Variants in BRD4 observed in about 807,000 individuals in gnomAD.
The protein encoded by BRD4 is bromodomain-containing protein 4.
BRD4 carries 16 observed loss-of-function variants against 142.1 expected under a neutral mutation model. The ratio of observed to expected loss-of-function variants is 0.11; its 90% CI spans 0.08 to 0.17. The LOEUF is 0.17. Among genes scored for constraint, BRD4 ranks in the 10% least tolerant of loss-of-function variants. The pLI, the probability that BRD4 is intolerant of heterozygous loss-of-function variation, is 1.00. For synonymous variants in BRD4, 833 were observed against 707.5 expected, an observed-to-expected ratio of 1.18 and a Z score of -2.82; for missense variants, 1,424 against 1,810.9, an observed-to-expected ratio of 0.79 and a Z score of 3.88.
rs781044333 is a variant in BRD4, at chr19:15,244,563, G to A, written c.2249C>T (p.Pro750Leu). The change falls in exon 13 of 20, where the codon CCG becomes CTG. Residue 750 changes from proline (P) to leucine (L), a missense_variant. Transcript: ENST00000679869. Reference sequence around the variant, plus strand: ...GGGCGGCTGCTGGGGCACAGGAGCCGGGGCCTGCTGCATCTGCTGATGGTG... The same window carrying A: ...GGGCGGCTGCTGGGGCACAGGAGCCAGGGCCTGCTGCATCTGCTGATGGTG... Reference protein sequence around the residue: ...HHHHQQMQQAPAPVPQQPPPP... With the variant: ...HHHHQQMQQALAPVPQQPPPP... The A allele has an allele frequency of 2.9e-5, 46 of 1,604,448 alleles. No homozygotes were observed. The highest frequency in any genetic ancestry group is 5.5e-5 in the South Asian group (5 of 91,018).
chr19:15,272,198 G>A (rs1022140753), intron 2 of BRD4, among the ~76,000 whole-genome samples: 12 of 152,102 alleles, frequency 7.9e-5, no homozygotes, highest in Admixed American at 6.5e-4. Flanking sequence ...GAAGAGGGGC[G>A]GGCTCACAAA....
intron 1 of BRD4, among the ~76,000 whole-genome samples, chr19:15,278,543 C>CAA (rs1235423521): frequency 7.2e-4 from 54 of 74,812 alleles, no homozygotes; most frequent in Non-Finnish European, 9.7e-4. Context: ...CAACCCCCGC[C>CAA]AAAAAAAAAA....
chr19:15,322,552 T>TA (rs1244615761), intron 1 of BRD4, among the ~76,000 whole-genome samples: 2 of 121,476 alleles, frequency 1.6e-5, no homozygotes, highest in African/African-American at 6.5e-5. Flanking sequence ...TACTAAAACA[T>TA]ACAAAAAAAA....
At position 15,272,802 on chromosome 19, in the gene BRD4, C is replaced by T. The variant is rs751534409; in HGVS notation, c.285+13G>A. 2 of 1,609,988 alleles carry T rather than the reference C, an allele frequency of 1.2e-6. No individual in the cohort carries two copies. Among genetic ancestry groups the T allele is most frequent in the Admixed American group, 3.4e-5 (2 of 59,700 alleles). ...CCAGGACGGCCACCCTGGGCCCTGC[C>T]CACACTACTCACAGGGAGGTTCAGC... On this transcript the variant is annotated intron_variant, in intron 2 of 19. Coordinates refer to ENST00000679869, the MANE Select transcript of BRD4 (RefSeq NM_001379291.1).
intron 1 of BRD4, among the ~76,000 whole-genome samples, chr19:15,322,697 C>CAAA (rs78397797): frequency 5.4e-5 from 5 of 92,298 alleles, no homozygotes; most frequent in African/African-American, 8.4e-5. Context: ...CTAAAAAATA[C>CAAA]AAAAAAAAAA....
intron 1 of BRD4, among the ~76,000 whole-genome samples, chr19:15,302,197 T>C (rs2047874580): frequency 6.6e-6 from 1 of 150,986 alleles, no homozygotes; most frequent in African/African-American, 2.4e-5. Context: ...TTATTGCATA[T>C]AAACTTAAGA....
intron 1 of BRD4, among the ~76,000 whole-genome samples, chr19:15,325,628 T>C (rs191565209): frequency 4.8e-4 from 73 of 152,206 alleles, no homozygotes; most frequent in Non-Finnish European, 9.3e-4. Flanking sequence ...ATTGGAGAAA[T>C]GGAAATACAT....
At chr19:15,279,175 CATA>C (rs1599482734) in intron 1 of BRD4, among the ~76,000 whole-genome samples, 2 of 152,250 alleles carry the variant, frequency 1.3e-5, no homozygotes, top group East Asian at 3.9e-4. Flanking sequence ...TCTTTGCAAT[CATA>C]ATATTTAAGT....
chr19:15,297,638 T>C (rs144091691), intron 1 of BRD4, among the ~76,000 whole-genome samples: 116 of 152,344 alleles, frequency 7.6e-4, no homozygotes, highest in African/African-American at 2.7e-3. Context: ...CAAGTTGACA[T>C]CTCATCTGCT....
Position 15,244,286 on chromosome 19 carries a change from C to A in BRD4, c.2526G>T (p.Pro842=), listed in dbSNP as rs201073757. 1 of 1,592,000 alleles carries A rather than the reference C, an allele frequency of 6.3e-7. No homozygotes were observed. Among genetic ancestry groups the A allele is most frequent in the Non-Finnish European group, 8.5e-7 (1 of 1,171,432 alleles). The change falls in exon 13 of 20, where the codon CCG becomes CCT. Residue 842 remains proline (P), a synonymous_variant. Transcript: ENST00000679869. ...GATGGGGTGGAGTGCTGTGCTCAGG[C>A]GGCTGGGGCAGGTGAGGGGGCAGCT... ...QPELPPHLPQ[P]PEHSTPPHLN...
chr19:15,249,104 G>C, intron 11 of BRD4: 2 of 1,040,946 alleles, frequency 1.9e-6, no homozygotes, highest in Non-Finnish European at 2.8e-6. Context: ...GGCGGGACTA[G>C]GCGTGTGCTG....
intron 7 of BRD4, among the ~76,000 whole-genome samples, chr19:15,259,210 G>A (rs932794467): frequency 2.0e-5 from 3 of 152,258 alleles, no homozygotes; most frequent in Non-Finnish European, 4.4e-5. Flanking sequence ...GCAGCAGGAA[G>A]CAGGTTAGAG....
chr19:15,297,045 G>T (rs546219446), intron 1 of BRD4, among the ~76,000 whole-genome samples: 2 of 152,172 alleles, frequency 1.3e-5, no homozygotes. Context: ...GGTGGATTTC[G>T]TAACATCTAC....
At chr19:15,256,875 G>A (rs2047414901) in intron 8 of BRD4, 89 bp downstream of exon 8, 1 of 1,244,616 alleles carries the variant, frequency 8.0e-7, no homozygotes, top group Admixed American at 2.6e-5. Context: ...TGGGAACTCA[G>A]AACCAAGAAC....
At chr19:15,258,607 T>G (rs908726548) in intron 7 of BRD4, among the ~76,000 whole-genome samples, 1 of 151,958 alleles carries the variant, frequency 6.6e-6, no homozygotes, top group Non-Finnish European at 1.5e-5. Flanking sequence ...CTTTCTTTCT[T>G]CTTCTTCTTC....
chr19:15,303,372 G>A (rs1419618463), intron 1 of BRD4, among the ~76,000 whole-genome samples: 1 of 152,120 alleles, frequency 6.6e-6, no homozygotes, highest in Non-Finnish European at 1.5e-5. Context: ...TTGATTAAAT[G>A]TCAAACTAGT....
At chr19:15,327,416 T>C (rs575547256) in intron 1 of BRD4, among the ~76,000 whole-genome samples, 60 of 152,120 alleles carry the variant, frequency 3.9e-4, no homozygotes, top group African/African-American at 5.1e-4. Context: ...TGGTGGCAGG[T>C]GCCTGTAATC....
rs202192143 is a variant in BRD4 at position 15,237,663 on chromosome 19, G to A, written c.*714C>T. 7 of 232,588 alleles carry A rather than the reference G, an allele frequency of 3.0e-5. No homozygotes were observed. In the Admixed American group the frequency reaches 3.9e-4, roughly 13 times the overall value. The allele number at this position is 232,588 out of a possible 1,614,324, so 14.4% of individuals were successfully genotyped here. On this transcript the variant is annotated 3_prime_UTR_variant, in exon 20 of 20. Transcript: ENST00000679869. Reference sequence around the variant, plus strand: ...AAAAACGAAACAGAAACACAGGTGGGAAGGAACTGACTTTGGTTGGTGGCC... The same window carrying A: ...AAAAACGAAACAGAAACACAGGTGGAAAGGAACTGACTTTGGTTGGTGGCC...
At chr19:15,323,525 TC>T (rs1211863452) in intron 1 of BRD4, among the ~76,000 whole-genome samples, 1 of 152,124 alleles carries the variant, frequency 6.6e-6, no homozygotes, top group Non-Finnish European at 1.5e-5. Flanking sequence ...CTCACCCTCT[TC>T]CCTTTTCTTT....
Sources: gnomAD v4.1 joint callset for allele counts (sites outside exome capture counted in the v4.1 genomes callset) on GRCh38, gnomAD v4.1.1 for gene constraint, MANE v1.5 for transcripts, NCBI Gene and HGNC (gene_info 2026-07-23, HGNC 2026-07-21) for gene names.